DLG2: variants seen among roughly 807,000 people sequenced by gnomAD.
The protein encoded by DLG2 is discs large MAGUK scaffold protein 2.
Under a neutral mutation model 132.5 loss-of-function variants are expected in DLG2, and 45 were observed. That is an observed-to-expected ratio of 0.34 (90% CI 0.27 to 0.44). The LOEUF (loss-of-function observed/expected upper bound fraction) is 0.44. Ranked by LOEUF, DLG2 falls within the 20% of genes least tolerant of loss-of-function variation. The probability of loss-of-function intolerance (pLI) is 1.00; values close to 1 mark genes in which losing one functional copy is unlikely to be tolerated. For missense variants in DLG2, 1,045 were observed against 1,196.9 expected (o/e 0.87, Z 1.87); for synonymous variants, 424 against 419.6 (o/e 1.01, Z -0.13).
intron 7 of DLG2, among the ~76,000 whole-genome samples, chr11:84,393,732 G>A (rs7118527): frequency 0.056 from 8,456 of 151,816 alleles, 763 homozygotes; most frequent in African/African-American, 0.19. Context: ...AAATTATATA[G>A]TTTATTTTTG....
intron 6 of DLG2, among the ~76,000 whole-genome samples, chr11:84,734,022 G>A (rs1462205159): frequency 3.3e-5 from 5 of 152,164 alleles, no homozygotes; most frequent in Admixed American, 6.6e-5. Flanking sequence ...CCAGTACCAT[G>A]CTGTTTTGGT....
chr11:85,229,370 C>T (rs2075163668), intron 4 of DLG2, among the ~76,000 whole-genome samples: 1 of 152,032 alleles, frequency 6.6e-6, no homozygotes, highest in African/African-American at 2.4e-5. Flanking sequence ...ATTTATGTGG[C>T]CAACAAACAT....
At chr11:85,030,250 T>C (rs550822704) in intron 6 of DLG2, among the ~76,000 whole-genome samples, 4 of 152,290 alleles carry the variant, frequency 2.6e-5, no homozygotes, top group South Asian at 2.1e-4. Context: ...GTTTTGTGGG[T>C]TTTGGTTGTT....
At chr11:83,507,760 A>T (rs12291353) in intron 21 of DLG2, among the ~76,000 whole-genome samples, 56 of 8,860 alleles carry the variant, frequency 6.3e-3, no homozygotes, top group African/African-American at 0.046. Context: ...TATTTTTATT[A>T]TATATATATA....
chr11:84,442,791 C>A (rs1038613590), intron 7 of DLG2, among the ~76,000 whole-genome samples: 1 of 151,844 alleles, frequency 6.6e-6, no homozygotes, highest in African/African-American at 2.4e-5. Context: ...GATAAAATTA[C>A]TGATTTTCGG....
intron 8 of DLG2, among the ~76,000 whole-genome samples, chr11:84,209,129 G>A (rs10751106): frequency 0.75 from 113,834 of 152,180 alleles, 44,701 homozygotes; most frequent in Middle Eastern, 0.9. Flanking sequence ...CACCAGAAAC[G>A]TCAAGTAGAT....
At chr11:83,874,524 T>C (rs530176760) in intron 15 of DLG2, 36 bp from the exon 16 acceptor site, 4 of 1,441,826 alleles carry the variant, frequency 2.8e-6, no homozygotes, top group South Asian at 2.8e-5. Flanking sequence ...ACATCATTTA[T>C]TTATTTTTTA....
intron 7 of DLG2, among the ~76,000 whole-genome samples, chr11:84,369,411 C>T (rs1186312574): frequency 6.6e-6 from 1 of 152,060 alleles, no homozygotes; most frequent in Admixed American, 6.6e-5. Flanking sequence ...CATTAAAATA[C>T]TTAATTTATT....
chr11:85,305,158 A>T (rs2079856437), intron 3 of DLG2, among the ~76,000 whole-genome samples: 1 of 152,236 alleles, frequency 6.6e-6, no homozygotes, highest in Non-Finnish European at 1.5e-5. Flanking sequence ...TGAAAGACAT[A>T]TACTAATTCA....
chr11:83,942,367 G>A (rs2082856091), intron 14 of DLG2, among the ~76,000 whole-genome samples: 1 of 152,066 alleles, frequency 6.6e-6, no homozygotes, highest in African/African-American at 2.4e-5. Flanking sequence ...GTTTGATTCA[G>A]TTTTTGTGAA....
At chr11:84,000,775 T>C (rs746700130) in intron 11 of DLG2, among the ~76,000 whole-genome samples, 30 of 151,884 alleles carry the variant, frequency 2.0e-4, no homozygotes, top group Non-Finnish European at 4.0e-4. Context: ...CCTTAATAAA[T>C]TAAGAAAAAA....
At chr11:84,874,845 AC>A (rs1175240735) in intron 6 of DLG2, among the ~76,000 whole-genome samples, 1 of 151,926 alleles carries the variant, frequency 6.6e-6, no homozygotes, top group African/African-American at 2.4e-5. Context: ...ATATGGTGAA[AC>A]CCCGTCTCCA....
At chr11:84,408,438 G>C (rs1192490678) in intron 7 of DLG2, among the ~76,000 whole-genome samples, 2 of 151,996 alleles carry the variant, frequency 1.3e-5, no homozygotes, top group Non-Finnish European at 2.9e-5. Context: ...TTGGTGTGCT[G>C]CACCCATTAA....
chr11:85,420,048 G>C (rs2090167754), intron 3 of DLG2, among the ~76,000 whole-genome samples: 1 of 152,200 alleles, frequency 6.6e-6, no homozygotes, highest in Non-Finnish European at 1.5e-5. Context: ...TTTTGTGCTG[G>C]TTTTTCCCCA....
intron 27 of DLG2, among the ~76,000 whole-genome samples, chr11:83,460,681 C>T (rs1253509752): frequency 1.3e-5 from 2 of 152,130 alleles, no homozygotes; most frequent in Non-Finnish European, 2.9e-5. Context: ...CAGTATTATC[C>T]ATATGACACT....
At chr11:84,115,050 T>C (rs1437787959) in intron 9 of DLG2, among the ~76,000 whole-genome samples, 1 of 152,172 alleles carries the variant, frequency 6.6e-6, no homozygotes, top group Non-Finnish European at 1.5e-5. Flanking sequence ...TATATTCTAT[T>C]TGTTAAATGC....
At chr11:84,478,441 G>C (rs1212797078) in intron 7 of DLG2, among the ~76,000 whole-genome samples, 1 of 152,026 alleles carries the variant, frequency 6.6e-6, no homozygotes, top group Non-Finnish European at 1.5e-5. Context: ...TTCATCGGCA[G>C]CATATAATTC....
chr11:85,616,031 T>A (rs1333258385), intron 2 of DLG2, among the ~76,000 whole-genome samples: 1 of 152,182 alleles, frequency 6.6e-6, no homozygotes, highest in East Asian at 1.9e-4. Flanking sequence ...TAAGAGGTAT[T>A]AGTACTATAC....
intron 6 of DLG2, among the ~76,000 whole-genome samples, chr11:84,951,608 A>T (rs1380934229): frequency 6.6e-6 from 1 of 150,500 alleles, no homozygotes; most frequent in Non-Finnish European, 1.5e-5. Context: ...ATACACATAT[A>T]TATACACATA....
Sources: gnomAD v4.1 joint callset for allele counts (sites outside exome capture counted in the v4.1 genomes callset) on GRCh38, gnomAD v4.1.1 for gene constraint, MANE v1.5 for transcripts, NCBI Gene and HGNC (gene_info 2026-07-23, HGNC 2026-07-21) for gene names.